Variants in RGS6 observed in about 807,000 individuals in gnomAD.
The protein encoded by RGS6 is regulator of G-protein signaling 6.
Under a neutral mutation model 78.5 loss-of-function variants are expected in RGS6, and 30 were observed. The ratio of observed to expected loss-of-function variants is 0.38; its 90% confidence interval spans 0.29 to 0.52. RGS6 has a LOEUF of 0.52. RGS6 is among the 20% of genes least tolerant of loss of function. The pLI is 0.85. For synonymous variants in RGS6, 206 were observed against 206.0 expected (o/e 1.00, Z 0.00); for missense variants, 495 against 609.7 (o/e 0.81, Z 1.98).
chr14:72,527,371 T>C (rs114045697), intron 15 of RGS6, among the ~76,000 whole-genome samples: 54 of 152,350 alleles, frequency 3.5e-4, no homozygotes, highest in African/African-American at 1.3e-3. Flanking sequence ...AGCACTTCAA[T>C]GTGAGAAGAG....
intron 3 of RGS6, among the ~76,000 whole-genome samples, chr14:72,413,369 T>C (rs2093571808): frequency 1.3e-5 from 2 of 152,210 alleles, no homozygotes; most frequent in African/African-American, 4.8e-5. Context: ...AAGTCTGTTT[T>C]ATCAGAGACT....
chr14:72,092,185 C>T (rs2095290684), intron 2 of RGS6, among the ~76,000 whole-genome samples: 1 of 151,842 alleles, frequency 6.6e-6, no homozygotes, highest in African/African-American at 2.4e-5. Context: ...GCCACCACAC[C>T]CAGCTAAGTT....
At chr14:72,545,351 A>G (rs1288286699) in intron 17 of RGS6, among the ~76,000 whole-genome samples, 1 of 152,222 alleles carries the variant, frequency 6.6e-6, no homozygotes, top group Non-Finnish European at 1.5e-5. Context: ...TGGAGCAGCA[A>G]GTGCATGTCC....
chr14:72,117,598 C>T (rs1028770073), intron 2 of RGS6, among the ~76,000 whole-genome samples: 2 of 152,070 alleles, frequency 1.3e-5, no homozygotes, highest in African/African-American at 4.8e-5. Flanking sequence ...TGCAAAAGGA[C>T]TAACACAGCA....
At chr14:72,116,640 A>G (rs1347084707) in intron 2 of RGS6, among the ~76,000 whole-genome samples, 1 of 152,074 alleles carries the variant, frequency 6.6e-6, no homozygotes, top group African/African-American at 2.4e-5. Flanking sequence ...TACCACTGAG[A>G]TACTTTCAGA....
chr14:72,248,788 T>G (rs2054878114), intron 2 of RGS6, among the ~76,000 whole-genome samples: 1 of 152,222 alleles, frequency 6.6e-6, no homozygotes, highest in African/African-American at 2.4e-5. Context: ...CCAGACCTAC[T>G]GAATCAGATT....
At chr14:72,378,517 C>T (rs1374620638) in intron 3 of RGS6, among the ~76,000 whole-genome samples, 3 of 151,996 alleles carry the variant, frequency 2.0e-5, no homozygotes, top group Non-Finnish European at 4.4e-5. Context: ...GGAAACATCA[C>T]AATGAATACC....
intron 17 of RGS6, among the ~76,000 whole-genome samples, chr14:72,549,252 T>G (rs1567109523): frequency 6.6e-6 from 1 of 151,970 alleles, no homozygotes. Flanking sequence ...TTTTGTTTTT[T>G]TTTTTGGCAT....
At chr14:72,238,366 T>C (rs1600184062) in intron 2 of RGS6, among the ~76,000 whole-genome samples, 1 of 152,086 alleles carries the variant, frequency 6.6e-6, no homozygotes, top group African/African-American at 2.4e-5. Flanking sequence ...GGCTTGAGGG[T>C]GGGGCCTTTG....
the RGS6 span, among the ~76,000 whole-genome samples, chr14:71,901,544 A>G: frequency 1.3e-5 from 2 of 152,192 alleles, no homozygotes; most frequent in East Asian, 1.9e-4. Flanking sequence ...CCCAATTAAT[A>G]TATTGACTAA....
chr14:72,085,835 CAG>C (rs1686663906), intron 2 of RGS6, among the ~76,000 whole-genome samples: 1 of 107,396 alleles, frequency 9.3e-6, no homozygotes, highest in Non-Finnish European at 1.7e-5. Flanking sequence ...GCCAGGGAGA[CAG>C]AGTGAGACAC....
intron 2 of RGS6, among the ~76,000 whole-genome samples, chr14:72,096,993 G>A (rs2153516069): frequency 6.6e-6 from 1 of 152,318 alleles, no homozygotes; most frequent in Admixed American, 6.5e-5. Flanking sequence ...CAGCACGTCT[G>A]TAGTAGGGAA....
intron 16 of RGS6, 27 bp downstream of exon 16, chr14:72,536,302 C>G: frequency 6.4e-7 from 1 of 1,554,666 alleles, no homozygotes; most frequent in East Asian, 2.2e-5. Flanking sequence ...CAGGCTTGCT[C>G]TTAGCACTGT....
intron 5 of RGS6, among the ~76,000 whole-genome samples, 192 bp downstream of exon 5, chr14:72,458,569 T>C (rs1402054211): frequency 6.6e-6 from 1 of 152,192 alleles, no homozygotes; most frequent in East Asian, 1.9e-4. Flanking sequence ...AAGGCTGTCA[T>C]TGAGAGCCTA....
At chr14:71,870,146 A>C in the RGS6 span, among the ~76,000 whole-genome samples, 2 of 152,090 alleles carry the variant, frequency 1.3e-5, no homozygotes, top group East Asian at 3.8e-4. Flanking sequence ...TTGTAATCAC[A>C]CAGTGGCCAA....
intron 2 of RGS6, among the ~76,000 whole-genome samples, chr14:72,034,404 CTTT>C (rs35821588): frequency 4.8e-5 from 7 of 144,624 alleles, no homozygotes; most frequent in Admixed American, 6.9e-5. Flanking sequence ...CTTTTCAGTG[CTTT>C]TTTTTTTTTG....
intron 2 of RGS6, among the ~76,000 whole-genome samples, chr14:72,306,972 C>T (rs1270361162): frequency 6.6e-6 from 1 of 152,154 alleles, no homozygotes; most frequent in Non-Finnish European, 1.5e-5. Flanking sequence ...TTGCATGCTA[C>T]AGAGACTTAT....
chr14:71,872,377 A>C, the RGS6 span, among the ~76,000 whole-genome samples: 1 of 152,066 alleles, frequency 6.6e-6, no homozygotes, highest in Admixed American at 6.6e-5. Context: ...ATCAGGATGG[A>C]AAGGGGGAGT....
rs751983849 is a variant in RGS6, at chr14:72,179,331, A to G, written c.85-172764A>G. Among the ~76,000 whole-genome samples the G allele has an allele frequency of 2.6e-5, 4 of 152,168 alleles. No homozygotes were observed. The South Asian group carries it at 6.2e-4, about 24-fold the overall frequency. ...TCAGCTGGCTTGCTTGAAGAGGGCT[A>G]TCAGGCTAGATTTCATGTCTCAACA... On this transcript the variant is annotated intron_variant, in intron 2 of 17. Coordinates refer to ENST00000553525, the MANE Select transcript of RGS6 (RefSeq NM_001204424.2).
Sources: gnomAD v4.1 joint callset for allele counts (sites outside exome capture counted in the v4.1 genomes callset) on GRCh38, gnomAD v4.1.1 for gene constraint, MANE v1.5 for transcripts, NCBI Gene and HGNC (gene_info 2026-07-23, HGNC 2026-07-21) for gene names.